The following PIBF1 variants were observed in gnomAD, a reference collection of about 807,000 sequenced individuals.
The protein encoded by PIBF1 is progesterone immunomodulatory binding factor 1.
In PIBF1, 90 loss-of-function variants were observed where a neutral mutation model predicts 112.5. That is an observed-to-expected ratio of 0.80 (90% confidence interval 0.67 to 0.95). The LOEUF (loss-of-function observed/expected upper bound fraction) is 0.95. PIBF1 is among the 40% of genes least tolerant of loss of function. PIBF1 has a pLI of 0.00. For synonymous variants in PIBF1, 301 were observed against 288.6 expected (o/e 1.04, Z -0.44); for missense variants, 915 against 852.3 (o/e 1.07, Z -0.92).
At chr13:72,898,360 C>G (rs1466982923) in intron 11 of PIBF1, among the ~76,000 whole-genome samples, 1 of 148,756 alleles carries the variant, frequency 6.7e-6, no homozygotes, top group Admixed American at 6.7e-5. Flanking sequence ...ATCAAAAAGT[C>G]TGAAAGAGCA....
intron 9 of PIBF1, among the ~76,000 whole-genome samples, chr13:72,845,367 T>G (rs1416731875): frequency 6.6e-6 from 1 of 152,210 alleles, no homozygotes; most frequent in Non-Finnish European, 1.5e-5. Flanking sequence ...TGTACCACAT[T>G]TTCTTTATCC....
At chr13:72,918,332 T>G (rs1231685438) in intron 13 of PIBF1, among the ~76,000 whole-genome samples, 1 of 151,908 alleles carries the variant, frequency 6.6e-6, no homozygotes, top group African/African-American at 2.4e-5. Context: ...TATCATTTCC[T>G]GTGTAATTTA....
chr13:72,916,468 C>G (rs2041099760), intron 12 of PIBF1, among the ~76,000 whole-genome samples: 1 of 151,108 alleles, frequency 6.6e-6, no homozygotes, highest in Non-Finnish European at 1.5e-5. Context: ...GTTTTTTACC[C>G]AGAAGATGTT....
At chr13:72,856,869 A>G (rs984656102) in intron 10 of PIBF1, among the ~76,000 whole-genome samples, 4 of 152,194 alleles carry the variant, frequency 2.6e-5, no homozygotes, top group Admixed American at 1.3e-4. Flanking sequence ...TTGACAAACC[A>G]ACACTAAAAA....
At chr13:72,783,299 A>C in intron 1 of PIBF1, 124 bp from the exon 2 acceptor site, 1 of 537,104 alleles carries the variant, frequency 1.9e-6, no homozygotes, top group South Asian at 2.7e-5. Flanking sequence ...AATCTGTTCT[A>C]GATTTGGGAT....
intron 11 of PIBF1, among the ~76,000 whole-genome samples, chr13:72,906,885 TTCTC>T (rs913384277): frequency 6.6e-6 from 1 of 151,988 alleles, no homozygotes; most frequent in African/African-American, 2.4e-5. Flanking sequence ...CCTTTACTGA[TTCTC>T]TCTTTTGACA....
intron 5 of PIBF1, among the ~76,000 whole-genome samples, chr13:72,814,166 A>G (rs563764616): frequency 6.6e-6 from 1 of 152,300 alleles, no homozygotes; most frequent in African/African-American, 2.4e-5. Flanking sequence ...GGCCGGGTGC[A>G]GTGGCTCACG....
chr13:72,981,109 G>A (rs1313156517), intron 16 of PIBF1, among the ~76,000 whole-genome samples: 1 of 151,698 alleles, frequency 6.6e-6, no homozygotes, highest in Non-Finnish European at 1.5e-5. Flanking sequence ...GCCGGGCGTG[G>A]TGGCAGACAC....
intron 2 of PIBF1, among the ~76,000 whole-genome samples, chr13:72,787,397 C>G (rs924575651): frequency 2.0e-5 from 3 of 152,170 alleles, no homozygotes; most frequent in Non-Finnish European, 2.9e-5. Flanking sequence ...TTTTGTCCCT[C>G]TGGTCGATTG....
intron 9 of PIBF1, among the ~76,000 whole-genome samples, chr13:72,843,193 G>A (rs186214965): frequency 6.6e-6 from 1 of 152,328 alleles, no homozygotes; most frequent in East Asian, 1.9e-4. Context: ...GTGGATTATA[G>A]TTGAAGAAAG....
intron 9 of PIBF1, among the ~76,000 whole-genome samples, chr13:72,840,225 A>C (rs917575173): frequency 1.3e-5 from 2 of 152,180 alleles, no homozygotes; most frequent in Admixed American, 1.3e-4. Context: ...GTATCATACT[A>C]ATCTTCCACA....
At chr13:72,980,905 T>C (rs908967524) in intron 16 of PIBF1, among the ~76,000 whole-genome samples, 2 of 151,578 alleles carry the variant, frequency 1.3e-5, no homozygotes, top group African/African-American at 2.4e-5. Context: ...CTTAGAATAT[T>C]TGAAGAAGAA....
At chr13:72,932,179 A>G (rs1465667489) in intron 14 of PIBF1, among the ~76,000 whole-genome samples, 2 of 151,996 alleles carry the variant, frequency 1.3e-5, no homozygotes, top group Non-Finnish European at 2.9e-5. Context: ...TCTGGGCTCA[A>G]GCGATCCACC....
At chr13:72,847,830 A>C (rs569370184) in intron 9 of PIBF1, among the ~76,000 whole-genome samples, 1 of 152,194 alleles carries the variant, frequency 6.6e-6, no homozygotes, top group Non-Finnish European at 1.5e-5. Context: ...TCTACATGCA[A>C]CCCTTCTATT....
In PIBF1 at chr13:72,986,913, G is replaced by A. The variant is rs1166414359; in HGVS notation, c.2050-11909G>A. Among the ~76,000 whole-genome samples, 7 of 151,666 alleles carry A rather than the reference G, an allele frequency of 4.6e-5. No homozygotes were observed. In the South Asian group the frequency reaches 6.2e-4, roughly 14 times the overall value. On this transcript the variant is annotated intron_variant, in intron 16 of 17. Coordinates refer to ENST00000326291, the MANE Select transcript of PIBF1 (RefSeq NM_006346.4). ...TCACCTTGTTAGCCAGGATGGTCTCGATCTCCTGACCTCCTGATCCACCTG... is the reference window on the plus strand; with the variant it reads ...TCACCTTGTTAGCCAGGATGGTCTCAATCTCCTGACCTCCTGATCCACCTG...
intron 5 of PIBF1, among the ~76,000 whole-genome samples, chr13:72,807,324 C>T (rs1374342277): frequency 2.0e-5 from 3 of 152,114 alleles, no homozygotes; most frequent in African/African-American, 4.8e-5. Context: ...CCTGTAATCT[C>T]AGCACTTTGA....
intron 14 of PIBF1, among the ~76,000 whole-genome samples, chr13:72,954,429 A>T (rs182609911): frequency 2.0e-5 from 3 of 152,196 alleles, no homozygotes; most frequent in Non-Finnish European, 4.4e-5. Context: ...TCATATTGCG[A>T]ATCTCAGGAG....
chr13:72,996,387 A>G (rs2043672372), intron 16 of PIBF1, among the ~76,000 whole-genome samples: 1 of 152,214 alleles, frequency 6.6e-6, no homozygotes, highest in South Asian at 2.1e-4. Flanking sequence ...TTTATCAATT[A>G]TAAAACTAAA....
At chr13:72,848,959 A>G (rs1346141900) in intron 9 of PIBF1, among the ~76,000 whole-genome samples, 1 of 152,216 alleles carries the variant, frequency 6.6e-6, no homozygotes, top group East Asian at 1.9e-4. Flanking sequence ...AATTTTTAAT[A>G]GCACCCTCTT....
Sources: allele counts gnomAD v4.1 joint callset (sites outside exome capture counted in the v4.1 genomes callset), GRCh38; gene constraint gnomAD v4.1.1; transcripts MANE v1.5; gene names NCBI Gene and HGNC (gene_info 2026-07-23, HGNC 2026-07-21).